The following OPCML variants were observed in gnomAD, a reference collection of about 807,000 sequenced individuals.
OPCML encodes opioid binding protein/cell adhesion molecule like.
Under a neutral mutation model 37.8 loss-of-function variants are expected in OPCML, and 13 were observed. That is an observed-to-expected ratio of 0.34 (90% CI 0.22 to 0.55). The LOEUF is 0.55. Among genes scored for constraint, OPCML ranks in the 20% least tolerant of loss-of-function variants. The pLI, the probability that OPCML is intolerant of heterozygous loss-of-function variation, is 0.91. For missense variants in OPCML, 341 were observed against 435.6 expected (o/e 0.78, Z 1.93); for synonymous variants, 176 against 168.8 (o/e 1.04, Z -0.33).
At chr11:132,655,547 A>G (rs73593157) in intron 3 of OPCML, among the ~76,000 whole-genome samples, 15,833 of 152,270 alleles carry the variant, frequency 0.1, 1,517 homozygotes, top group African/African-American at 0.26. Flanking sequence ...AACCCGCAGC[A>G]TCTGTAGATG....
At chr11:132,928,108 T>G (rs568751213) in intron 2 of OPCML, among the ~76,000 whole-genome samples, 1 of 151,922 alleles carries the variant, frequency 6.6e-6, no homozygotes, top group East Asian at 1.9e-4. Context: ...CAAAACAGCA[T>G]AGTAAGTCAG....
intron 1 of OPCML, among the ~76,000 whole-genome samples, chr11:133,117,523 C>T (rs1949355269): frequency 6.6e-6 from 1 of 152,298 alleles, no homozygotes; most frequent in South Asian, 2.1e-4. Flanking sequence ...CTCACTCTCT[C>T]TTTCCCACCA....
At chr11:133,293,022 C>T (rs1942522700) in intron 1 of OPCML, among the ~76,000 whole-genome samples, 1 of 152,184 alleles carries the variant, frequency 6.6e-6, no homozygotes, top group Non-Finnish European at 1.5e-5. Context: ...TGGCAAGGTG[C>T]TCCATAAAGA....
chr11:133,402,889 T>C (rs556151123), intron 1 of OPCML, among the ~76,000 whole-genome samples: 1 of 152,314 alleles, frequency 6.6e-6, no homozygotes, highest in South Asian at 2.1e-4. Flanking sequence ...TAATGATAAA[T>C]CAGCCCAAGT....
At chr11:132,781,340 TCTC>T (rs1334076658) in intron 2 of OPCML, among the ~76,000 whole-genome samples, 1 of 151,850 alleles carries the variant, frequency 6.6e-6, no homozygotes, top group Non-Finnish European at 1.5e-5. Context: ...TGAGAAGACT[TCTC>T]CTGCCTAACT....
chr11:132,787,547 A>C (rs1947256030), intron 2 of OPCML, among the ~76,000 whole-genome samples: 1 of 152,104 alleles, frequency 6.6e-6, no homozygotes, highest in Non-Finnish European at 1.5e-5. Context: ...TGTGAGGATC[A>C]GGTCTGCTGA....
At chr11:132,640,294 G>A (rs1055407283) in intron 3 of OPCML, among the ~76,000 whole-genome samples, 2 of 150,912 alleles carry the variant, frequency 1.3e-5, no homozygotes, top group Non-Finnish European at 3.0e-5. Flanking sequence ...TGGTAGGATG[G>A]AAGCAAAAAT....
chr11:133,426,295 T>A (rs1221640860), intron 1 of OPCML, among the ~76,000 whole-genome samples: 1 of 152,200 alleles, frequency 6.6e-6, no homozygotes, highest in African/African-American at 2.4e-5. Flanking sequence ...AGCAGATTTT[T>A]TTTTAACCAA....
intron 2 of OPCML, among the ~76,000 whole-genome samples, chr11:132,803,588 T>G (rs529803853): frequency 6.6e-6 from 1 of 152,168 alleles, no homozygotes; most frequent in African/African-American, 2.4e-5. Context: ...CTCACTATGA[T>G]TCAACTTGGA....
chr11:132,596,732 T>A (rs2096493130), intron 3 of OPCML, among the ~76,000 whole-genome samples: 1 of 152,214 alleles, frequency 6.6e-6, no homozygotes, highest in South Asian at 2.1e-4. Context: ...TCTTAATTCC[T>A]AAGCACCATA....
chr11:132,925,478 C>T lies in OPCML; in HGVS notation c.146+17448G>A, dbSNP rs1164932786. ...CTGGGAATGTTTCCAAATGGTTACC[C>T]TGCTGTACCTACGCCTTTTCACCCT... is the stretch of plus-strand genomic sequence containing the variant. On this transcript the variant is annotated intron_variant, in intron 2 of 7. Transcript: ENST00000524381. Among the ~76,000 whole-genome samples the T allele has an allele frequency of 2.6e-5, 4 of 152,286 alleles. No homozygotes were observed. The East Asian group carries it at 7.7e-4, about 29-fold the overall frequency.
chr11:133,495,147 C>T (rs1211054587), intron 1 of OPCML, among the ~76,000 whole-genome samples: 7 of 152,190 alleles, frequency 4.6e-5, no homozygotes, highest in African/African-American at 1.7e-4. Context: ...TCTGTGAGAA[C>T]ATACAATGTT....
intron 2 of OPCML, among the ~76,000 whole-genome samples, chr11:132,738,068 G>A (rs1279490787): frequency 1.3e-5 from 2 of 152,136 alleles, no homozygotes; most frequent in African/African-American, 4.8e-5. Flanking sequence ...CTCTGCTCTG[G>A]ACAAAGCTAA....
In OPCML at chr11:133,208,379, G is replaced by C. The variant is rs1445727724; in HGVS notation, c.62-265369C>G. 6.6e-6 allele frequency among the ~76,000 whole-genome samples: 1 copy of C among 152,168 alleles called. No individual in the cohort carries two copies. Among genetic ancestry groups the C allele is most frequent in the Admixed American group, 6.5e-5 (1 of 15,284 alleles). The stretch of plus-strand genomic sequence containing the variant: ...AGGGGCAGCTGGGGCATGGTAGAAA[G>C]GGCCATAGGTTAGGATTTTATAACT... On this transcript the variant is annotated intron_variant, in intron 1 of 7. Transcript: ENST00000524381. The surrounding 1 kb of genome is among the most constrained non-coding windows in gnomAD (Gnocchi z 8.9).
chr11:132,706,785 T>C (rs865872539), intron 2 of OPCML, among the ~76,000 whole-genome samples: 1 of 152,196 alleles, frequency 6.6e-6, no homozygotes, highest in Non-Finnish European at 1.5e-5. Context: ...TGTGCCCACA[T>C]AACTGAATGA....
At chr11:132,883,471 G>C (rs1943293693) in intron 2 of OPCML, among the ~76,000 whole-genome samples, 1 of 152,188 alleles carries the variant, frequency 6.6e-6, no homozygotes, top group Admixed American at 6.5e-5. Context: ...TATTCCAGGT[G>C]TGAAGAGAGG....
intron 1 of OPCML, chr11:133,420,467 GCTT>G (rs1945863716): frequency 1.0e-6 from 1 of 984,954 alleles, no homozygotes; most frequent in Non-Finnish European, 1.2e-6. Flanking sequence ...CCTCTCGTAT[GCTT>G]CTTCTTCTTT....
chr11:133,305,630 T>C (rs1323742410), intron 1 of OPCML, among the ~76,000 whole-genome samples: 2 of 152,212 alleles, frequency 1.3e-5, no homozygotes, highest in African/African-American at 4.8e-5. Context: ...TCCTGATGTA[T>C]AGATTTACAT....
At chr11:132,529,296 G>A (rs1028724224) in intron 3 of OPCML, 110 bp from the exon 4 acceptor site, 2 of 1,353,160 alleles carry the variant, frequency 1.5e-6, no homozygotes. Flanking sequence ...AATATTGTTT[G>A]CAGTAATAAA....
Sources: allele counts gnomAD v4.1 joint callset (sites outside exome capture counted in the v4.1 genomes callset), GRCh38; gene constraint gnomAD v4.1.1; non-coding constraint Gnocchi (gnomAD v3.1); transcripts MANE v1.5; gene names NCBI Gene and HGNC (gene_info 2026-07-23, HGNC 2026-07-21).